DLG5: variants seen among roughly 807,000 people sequenced by gnomAD.
DLG5 encodes discs large MAGUK scaffold protein 5, also known as disks large homolog 5.
In DLG5, 48 loss-of-function variants were observed where a neutral mutation model predicts 189.8. The observed-to-expected ratio is 0.25, with a 90% CI of 0.20 to 0.32. The LOEUF (loss-of-function observed/expected upper bound fraction) is 0.32, where lower values mean the gene tolerates loss of function less well. Among genes scored for constraint, DLG5 ranks in the 10% least tolerant of loss-of-function variants. DLG5 has a pLI of 1.00. For synonymous variants in DLG5, 1,016 were observed against 1,054.1 expected, an observed-to-expected ratio of 0.96 and a Z score of 0.70; for missense variants, 2,160 against 2,544.7, an observed-to-expected ratio of 0.85 and a Z score of 3.25.
chr10:77,828,883 G>C lies in DLG5; in HGVS notation c.2288C>G (p.Ala763Gly), dbSNP rs751796052. The C allele has an allele frequency of 3.7e-6, 6 of 1,613,888 alleles. No homozygotes were observed. Among genetic ancestry groups the C allele is most frequent in the Non-Finnish European group, 5.1e-6 (6 of 1,179,976 alleles). Residue 763 changes from alanine to glycine, a missense_variant and splice_region_variant, in exon 13 of 32, where the codon GCG becomes GGG. By Grantham distance (60) the Ala-to-Gly change is moderately conservative. This residue lies in a region of DLG5 where 107 missense variants were observed against 214.5 expected (regional missense o/e 0.50). Coordinates refer to ENST00000372391, the MANE Select transcript of DLG5 (RefSeq NM_004747.4). The stretch of plus-strand genomic sequence containing the variant: ...CCTGGCTCCAGCCTTGAGACTTACC[G>C]CAACGATCCTGTCTCCCACAGCAAG... ...GSLAVGDRIVAINGIALDNKS... is the reference protein window; with the variant it reads ...GSLAVGDRIVGINGIALDNKS...
At chr10:77,879,007 T>C (rs1356745060) in intron 1 of DLG5, among the ~76,000 whole-genome samples, 2 of 152,176 alleles carry the variant, frequency 1.3e-5, no homozygotes, top group African/African-American at 2.4e-5. Context: ...GGAAGCAAGA[T>C]GGACAAATCC....
At chr10:77,874,584 A>G (rs984791625) in intron 1 of DLG5, among the ~76,000 whole-genome samples, 1 of 152,222 alleles carries the variant, frequency 6.6e-6, no homozygotes, top group Non-Finnish European at 1.5e-5. Context: ...CTATGTGTAT[A>G]TAAGGTGTAT....
intron 20 of DLG5, among the ~76,000 whole-genome samples, chr10:77,815,425 C>T (rs987885753): frequency 3.9e-5 from 6 of 152,132 alleles, no homozygotes; most frequent in Admixed American, 2.0e-4. Context: ...TGTGGGAGGC[C>T]GAGGCGGGTG....
chr10:77,920,672 A>T (rs1846507599), intron 1 of DLG5, among the ~76,000 whole-genome samples: 1 of 152,122 alleles, frequency 6.6e-6, no homozygotes, highest in East Asian at 1.9e-4. Flanking sequence ...CACTGGCCAG[A>T]CCAATCAGAA....
chr10:77,938,911 CG>C, the DLG5 span, among the ~76,000 whole-genome samples: 1 of 152,108 alleles, frequency 6.6e-6, no homozygotes, highest in Admixed American at 6.6e-5. Context: ...CTATCAGGCC[CG>C]GTGCAGTGGC....
rs1211516374 is a variant in DLG5, at chr10:77,821,447, G to C, written c.3037C>G (p.Pro1013Ala). The C allele has an allele frequency of 5.6e-6, 9 of 1,612,800 alleles. No individual in the cohort carries two copies. In the African/African-American group the frequency reaches 9.3e-5, roughly 17 times the overall value. Residue 1013 changes from proline (P) to alanine (A), a missense_variant, in exon 15 of 32, where the codon CCA becomes GCA. Physicochemically the swap from Pro to Ala is conservative, Grantham distance 27 (BLOSUM62 -1). Transcript: ENST00000372391. ...GAGTCGCTCCTTCTGGGAGGTTTTGGGGGTGTCAGAGGCCCCGCCCTCTTG... is the reference window on the plus strand; with the variant it reads ...GAGTCGCTCCTTCTGGGAGGTTTTGCGGGTGTCAGAGGCCCCGCCCTCTTG... ...PSKRAGPLTP[P>A]KPPRRSDSIK...
chr10:77,890,308 T>C (rs1379321869), intron 1 of DLG5, among the ~76,000 whole-genome samples: 1 of 152,186 alleles, frequency 6.6e-6, no homozygotes, highest in Admixed American at 6.5e-5. Flanking sequence ...AAGGTCTACC[T>C]GTCCTACCTC....
chr10:77,921,056 C>T (rs991074600), intron 1 of DLG5, among the ~76,000 whole-genome samples: 2 of 152,108 alleles, frequency 1.3e-5, no homozygotes, highest in African/African-American at 2.4e-5. Context: ...ATTAAAACCA[C>T]CTAAATTAGC....
chr10:77,795,780 A>G (rs1287089431), intron 29 of DLG5, among the ~76,000 whole-genome samples: 4 of 152,182 alleles, frequency 2.6e-5, no homozygotes, highest in Admixed American at 2.6e-4. Context: ...GCAGAGCTCA[A>G]TACTCTCATC....
At chr10:77,854,174 A>G (rs1264217820) in intron 4 of DLG5, 53 bp downstream of exon 4, 1 of 1,596,198 alleles carries the variant, frequency 6.3e-7, no homozygotes, top group Non-Finnish European at 8.5e-7. Context: ...AAAGAAGGGC[A>G]AAGGCAGCTG....
chr10:77,814,499 A>C (rs1163920539), intron 20 of DLG5, among the ~76,000 whole-genome samples: 3 of 121,000 alleles, frequency 2.5e-5, no homozygotes, highest in Admixed American at 8.2e-5. Flanking sequence ...ATATATATAT[A>C]TATATATCCA....
chr10:77,919,454 T>G (rs1846469361), intron 1 of DLG5, among the ~76,000 whole-genome samples: 1 of 150,872 alleles, frequency 6.6e-6, no homozygotes, highest in Admixed American at 6.6e-5. Context: ...TGAGCAAGTC[T>G]CCCGTCAATG....
intron 7 of DLG5, among the ~76,000 whole-genome samples, chr10:77,839,378 A>G (rs189396040): frequency 3.8e-4 from 58 of 152,198 alleles, no homozygotes; most frequent in African/African-American, 1.4e-3. Flanking sequence ...GCAAGTGTCT[A>G]TAATCCCAGC....
chr10:77,854,500 G>A, intron 3 of DLG5, 130 bp from the exon 4 acceptor site: 1 of 1,235,680 alleles, frequency 8.1e-7, no homozygotes, highest in Non-Finnish European at 1.1e-6. Flanking sequence ...ACACACCTGG[G>A]TGTTTGTTAA....
the DLG5 span, among the ~76,000 whole-genome samples, chr10:77,937,109 C>T: frequency 6.6e-6 from 1 of 152,162 alleles, no homozygotes; most frequent in Non-Finnish European, 1.5e-5. Flanking sequence ...CAAGAATATT[C>T]ACTAGCTCCC....
Position 77,829,345 on chromosome 10 carries a change from G to C in DLG5, c.2185+10C>G, listed in dbSNP as rs765051065. The C allele has an allele frequency of 2.0e-5, 32 of 1,613,216 alleles. No individual in the cohort carries two copies. The South Asian group carries it at 2.1e-4, about 11-fold the overall frequency. On this transcript the variant is annotated intron_variant, in intron 12 of 31. Transcript: ENST00000372391. Reference sequence around the variant, plus strand: ...CCTGAGGCACTCTGCCATGTTCACAGGCCCGCTACCTTTCTGTCCACTGAG... The same window carrying C: ...CCTGAGGCACTCTGCCATGTTCACACGCCCGCTACCTTTCTGTCCACTGAG...
chr10:77,816,837 C>T (rs745737365), intron 19 of DLG5, 136 bp from the exon 20 acceptor site: 7 of 1,393,008 alleles, frequency 5.0e-6, no homozygotes, highest in Non-Finnish European at 6.9e-6. Context: ...AGATGCTAGG[C>T]TCTGCATTGC....
the DLG5 span, among the ~76,000 whole-genome samples, chr10:77,940,652 A>G: frequency 2.2e-3 from 330 of 152,228 alleles, 2 homozygotes; most frequent in African/African-American, 7.6e-3. Flanking sequence ...GAATCCAAGC[A>G]GGAAAATGCT....
chr10:77,939,495 T>C, the DLG5 span, among the ~76,000 whole-genome samples: 1 of 152,132 alleles, frequency 6.6e-6, no homozygotes, highest in Non-Finnish European at 1.5e-5. Flanking sequence ...CACCCACACC[T>C]CTATTGTTCC....
Sources: allele counts gnomAD v4.1 joint callset (sites outside exome capture counted in the v4.1 genomes callset), GRCh38; gene constraint gnomAD v4.1.1; regional missense constraint gnomAD v4.1.1; transcripts MANE v1.5; gene names NCBI Gene and HGNC (gene_info 2026-07-23, HGNC 2026-07-21).